CENPP: variants seen among roughly 807,000 people sequenced by gnomAD.
CENPP encodes centromere protein P.
A neutral mutation model predicts 35.6 loss-of-function variants in CENPP; 24 were observed. That is an observed-to-expected ratio of 0.67 (90% CI 0.49 to 0.95). The LOEUF (loss-of-function observed/expected upper bound fraction) is 0.95. CENPP is among the 40% of genes least tolerant of loss of function. The pLI is 0.00. For synonymous variants in CENPP, 120 were observed against 125.5 expected (o/e 0.96, Z 0.29); for missense variants, 332 against 345.3 (o/e 0.96, Z 0.31).
At chr9:92,374,932 A>G (rs917150059) in intron 4 of CENPP, among the ~76,000 whole-genome samples, 9 of 152,094 alleles carry the variant, frequency 5.9e-5, no homozygotes, top group African/African-American at 2.2e-4. Flanking sequence ...CTTAATTTCT[A>G]TTGCATTTGT....
rs567943276 is a variant in CENPP at position 92,460,418 on chromosome 9, C to A, written c.564+80559C>A. On this transcript the variant is annotated intron_variant, in intron 5 of 7. Coordinates refer to ENST00000375587, the MANE Select transcript of CENPP (RefSeq NM_001012267.3). ...ACAGACAGTGATCTCTACCAGGGTC[C>A]CTGTGCACATTCTCCAGGAGGTATC... 4.1e-5 allele frequency: 43 copies of A among 1,041,706 alleles called. No individual in the cohort carries two copies. In the South Asian group the frequency reaches 5.7e-4, roughly 14 times the overall value. The allele number at this position is 1,041,706 out of a possible 1,614,324, so 64.5% of individuals were successfully genotyped here. A position where few individuals can be genotyped will look rare whatever the true frequency, so the allele number is the denominator to read the frequency against.
intron 5 of CENPP, among the ~76,000 whole-genome samples, chr9:92,584,498 G>A (rs766975096): frequency 3.3e-5 from 5 of 152,116 alleles, no homozygotes; most frequent in Admixed American, 1.3e-4. Flanking sequence ...ACAGGTATGC[G>A]TCACCATGCC....
chr9:92,397,014 A>G (rs1378550206), intron 5 of CENPP, among the ~76,000 whole-genome samples: 2 of 151,654 alleles, frequency 1.3e-5, no homozygotes, highest in Non-Finnish European at 2.9e-5. Flanking sequence ...CATCTCTACA[A>G]AAAAATACAA....
At chr9:92,432,153 G>T (rs776795828) in intron 5 of CENPP, among the ~76,000 whole-genome samples, 2 of 151,812 alleles carry the variant, frequency 1.3e-5, no homozygotes, top group Non-Finnish European at 2.9e-5. Flanking sequence ...GGCAAAACCC[G>T]GTCTCTACTA....
chr9:92,500,314 C>T (rs966733919), intron 5 of CENPP, among the ~76,000 whole-genome samples: 1 of 152,162 alleles, frequency 6.6e-6, no homozygotes, highest in Non-Finnish European at 1.5e-5. Context: ...TCCTGAGTAG[C>T]TGGCATTACA....
chr9:92,436,332 G>T (rs757536661), intron 5 of CENPP, among the ~76,000 whole-genome samples: 1 of 152,142 alleles, frequency 6.6e-6, no homozygotes, highest in Non-Finnish European at 1.5e-5. Context: ...AGTTTGCAAA[G>T]ATTTTCTCCA....
At chr9:92,461,474 T>A (rs941181277) in intron 5 of CENPP, among the ~76,000 whole-genome samples, 3 of 152,218 alleles carry the variant, frequency 2.0e-5, no homozygotes, top group African/African-American at 7.2e-5. Context: ...ACTCCCTCCT[T>A]TTTTCTCCCT....
At chr9:92,505,111 A>G (rs750433054) in intron 5 of CENPP, among the ~76,000 whole-genome samples, 1 of 152,242 alleles carries the variant, frequency 6.6e-6, no homozygotes, top group African/African-American at 2.4e-5. Context: ...CTGTTAGGTC[A>G]GAGTGTCTGT....
rs577276117 is a variant in CENPP at position 92,567,899 on chromosome 9, C to CA, written c.565-43408dup. On this transcript the variant is annotated intron_variant, in intron 5 of 7. Coordinates refer to ENST00000375587, the MANE Select transcript of CENPP (RefSeq NM_001012267.3). ...GCTTAAATACCTCACTACAAAAAGC[C>CA]AAAAAAACACAAAGGAAAAGGTAAT... Among the ~76,000 whole-genome samples the CA allele has an allele frequency of 8.6e-5, 13 of 150,756 alleles. No homozygotes were observed. The East Asian group carries it at 1.6e-3, about 18-fold the overall frequency.
chr9:92,331,405 C>T (rs569008568), intron 1 of CENPP, among the ~76,000 whole-genome samples: 2 of 152,126 alleles, frequency 1.3e-5, no homozygotes, highest in Non-Finnish European at 2.9e-5. Flanking sequence ...TGGTCTTGAT[C>T]TCCTGACCGC....
chr9:92,331,244 A>G (rs943921772), intron 1 of CENPP, among the ~76,000 whole-genome samples: 2 of 151,970 alleles, frequency 1.3e-5, no homozygotes, highest in Non-Finnish European at 2.9e-5. Flanking sequence ...GCAGTGGCAC[A>G]ATCTCTGCTC....
At chr9:92,464,933 G>T (rs781199371) in intron 5 of CENPP, 2 of 1,607,656 alleles carry the variant, frequency 1.2e-6, no homozygotes, top group Non-Finnish European at 1.7e-6. Context: ...AGGAACTGAG[G>T]TCAGTTTTGC....
chr9:92,414,807 TAC>T lies in CENPP; in HGVS notation c.564+34949_564+34950del, dbSNP rs944516997. On this transcript the variant is annotated intron_variant, in intron 5 of 7. Coordinates refer to ENST00000375587, the MANE Select transcript of CENPP (RefSeq NM_001012267.3). ...GCCTGTGGGTCTTTACTGCTAATGC[TAC>T]TTCCTTCCTCATTTTTAGAAAAATT... The T allele has an allele frequency of 1.0e-4, 25 of 240,310 alleles. No homozygotes were observed. The Admixed American group carries it at 1.1e-3, about 11-fold the overall frequency. The allele number at this position is 240,310 out of a possible 1,614,324, so 14.9% of individuals were successfully genotyped here.
At chr9:92,496,280 A>C (rs1036438195) in intron 5 of CENPP, 2 of 1,547,626 alleles carry the variant, frequency 1.3e-6, no homozygotes, top group Non-Finnish European at 1.7e-6. Flanking sequence ...CAAATACATG[A>C]GTAAAGTTTA....
At chr9:92,340,769 A>T (rs1841089374) in intron 3 of CENPP, among the ~76,000 whole-genome samples, 1 of 151,942 alleles carries the variant, frequency 6.6e-6, no homozygotes, top group Admixed American at 6.6e-5. Context: ...AGCTGAGGGG[A>T]TGTATATCAC....
upstream of CENPP, chr9:92,325,923 G>A (rs1840456661): frequency 3.1e-6 from 4 of 1,300,448 alleles, no homozygotes; most frequent in Non-Finnish European, 3.2e-6. Flanking sequence ...GCGCGCGCGA[G>A]GCTTGAAGCG....
chr9:92,408,912 C>T (rs1456753414), intron 5 of CENPP, among the ~76,000 whole-genome samples: 1 of 151,984 alleles, frequency 6.6e-6, no homozygotes, highest in Non-Finnish European at 1.5e-5. Context: ...TTTGGATCTC[C>T]GTCTTAAATC....
intron 5 of CENPP, among the ~76,000 whole-genome samples, chr9:92,574,520 A>G (rs1374476335): frequency 2.0e-5 from 3 of 152,236 alleles, no homozygotes; most frequent in African/African-American, 7.2e-5. Context: ...GGAATTAACC[A>G]AGAAGGTGAA....
At chr9:92,454,247 A>C (rs1400098335) in intron 5 of CENPP, among the ~76,000 whole-genome samples, 2 of 152,216 alleles carry the variant, frequency 1.3e-5, no homozygotes, top group Non-Finnish European at 2.9e-5. Context: ...TTGAAAATAC[A>C]AACATAAACC....
Sources: gnomAD v4.1 joint callset for allele counts (sites outside exome capture counted in the v4.1 genomes callset) on GRCh38, gnomAD v4.1.1 for gene constraint, MANE v1.5 for transcripts, NCBI Gene and HGNC (gene_info 2026-07-23, HGNC 2026-07-21) for gene names.